IL16: variants seen among roughly 807,000 people sequenced by gnomAD.
IL16 encodes interleukin 16, also known as pro-interleukin-16.
IL16 carries 67 observed loss-of-function variants against 110.1 expected under a neutral mutation model. The observed-to-expected ratio is 0.61, with a 90% CI of 0.50 to 0.75. IL16 has a LOEUF of 0.75. Ranked by LOEUF, IL16 falls within the 30% of genes least tolerant of loss-of-function variation. The pLI is 0.00. For missense variants in IL16, 1,545 were observed against 1,655.0 expected, an observed-to-expected ratio of 0.93 and a Z score of 1.15; for synonymous variants, 689 against 662.9, an observed-to-expected ratio of 1.04 and a Z score of -0.61.
chr15:81,206,063 A>G (rs1213170128), intron 1 of IL16, among the ~76,000 whole-genome samples: 1 of 152,246 alleles, frequency 6.6e-6, no homozygotes, highest in Admixed American at 6.5e-5. Flanking sequence ...AATGTACACC[A>G]CTGTTAAGAT....
At chr15:81,248,080 G>T (rs1015157658) in intron 2 of IL16, among the ~76,000 whole-genome samples, 1 of 152,130 alleles carries the variant, frequency 6.6e-6, no homozygotes, top group Admixed American at 6.6e-5. Flanking sequence ...GCATTATGAG[G>T]CTATGTTATA....
chr15:81,190,082 G>T (rs1190421675), intron 1 of IL16, among the ~76,000 whole-genome samples: 2 of 152,160 alleles, frequency 1.3e-5, no homozygotes, highest in Non-Finnish European at 2.9e-5. Flanking sequence ...GACATTCTGT[G>T]ACAGCCAGAA....
At chr15:81,292,022 A>G (rs1596040638) in intron 11 of IL16, 1 of 455,328 alleles carries the variant, frequency 2.2e-6, no homozygotes, top group Non-Finnish European at 4.4e-6. Context: ...CAGGGAGGGG[A>G]GCAGGCAGGG....
chr15:81,220,398 A>G (rs1473328621), intron 1 of IL16, among the ~76,000 whole-genome samples: 2 of 152,112 alleles, frequency 1.3e-5, no homozygotes, highest in East Asian at 3.9e-4. Context: ...CAAGCAAATC[A>G]CCCACCTCGG....
chr15:81,271,809 G>A (rs1898655013), intron 5 of IL16, among the ~76,000 whole-genome samples: 1 of 152,164 alleles, frequency 6.6e-6, no homozygotes, highest in Non-Finnish European at 1.5e-5. Flanking sequence ...ACCTTCACCA[G>A]AGGCTTAGAA....
At chr15:81,257,850 A>G (rs1898003132) in intron 2 of IL16, among the ~76,000 whole-genome samples, 1 of 152,226 alleles carries the variant, frequency 6.6e-6, no homozygotes, top group Admixed American at 6.5e-5. Context: ...AGTCCCAGAA[A>G]GCATTTAAGC....
Position 81,240,252 on chromosome 15 carries a change from G to A in IL16, c.312+14541G>A, listed in dbSNP as rs188306447. On this transcript the variant is annotated intron_variant, in intron 2 of 18. Transcript: ENST00000683961. ...ACTCAATTTATCCATTCTACTATTG[G>A]TGGACGTTTGAGATATTTCCCCTTT... Among the ~76,000 whole-genome samples, 32 of 151,846 alleles carry A rather than the reference G, an allele frequency of 2.1e-4. 1 individual carries two copies. In the East Asian group the frequency reaches 5.8e-3, roughly 28 times the overall value.
chr15:81,225,171 A>G, intron 1 of IL16, 128 bp from the exon 2 acceptor site: 8 of 723,406 alleles, frequency 1.1e-5, no homozygotes, highest in Non-Finnish European at 1.7e-5. Flanking sequence ...GTGATCTTAA[A>G]GGATGATCTG....
intron 8 of IL16, among the ~76,000 whole-genome samples, chr15:81,280,190 A>G (rs1179683900): frequency 6.6e-6 from 1 of 152,216 alleles, no homozygotes; most frequent in African/African-American, 2.4e-5. Context: ...ATTCAGGAAC[A>G]GACAGCCATT....
chr15:81,236,876 T>G (rs534198936), intron 2 of IL16, among the ~76,000 whole-genome samples: 1 of 152,158 alleles, frequency 6.6e-6, no homozygotes, highest in Non-Finnish European at 1.5e-5. Context: ...GAGAATTGCT[T>G]GAACCCGGGA....
intron 2 of IL16, among the ~76,000 whole-genome samples, chr15:81,241,167 A>G (rs1567013822): frequency 6.6e-6 from 1 of 152,036 alleles, no homozygotes; most frequent in Non-Finnish European, 1.5e-5. Context: ...AGTTTTTAAG[A>G]TTTGTATGCC....
chr15:81,253,770 C>T (rs192724912), intron 2 of IL16, among the ~76,000 whole-genome samples: 1 of 152,292 alleles, frequency 6.6e-6, no homozygotes, highest in Admixed American at 6.5e-5. Flanking sequence ...ATAGTCCAAT[C>T]TAAAACAAAT....
chr15:81,197,671 A>C (rs901465460), intron 1 of IL16, among the ~76,000 whole-genome samples: 6 of 152,060 alleles, frequency 3.9e-5, no homozygotes, highest in African/African-American at 1.5e-4. Flanking sequence ...TCCCGTGACT[A>C]ATTCCTGCAT....
At chr15:81,269,065 A>G (rs1368239593) in intron 4 of IL16, among the ~76,000 whole-genome samples, 3 of 152,258 alleles carry the variant, frequency 2.0e-5, no homozygotes, top group African/African-American at 7.2e-5. Flanking sequence ...TGCCTACCCC[A>G]AAATTACATT....
intron 1 of IL16, among the ~76,000 whole-genome samples, chr15:81,209,555 G>A (rs113643882): frequency 0.084 from 12,807 of 152,122 alleles, 544 homozygotes; most frequent in Middle Eastern, 0.1. Flanking sequence ...GAGCACAGGT[G>A]ATCCTTAAAG....
chr15:81,272,743 T>C (rs1488408659), intron 5 of IL16, among the ~76,000 whole-genome samples: 1 of 152,072 alleles, frequency 6.6e-6, no homozygotes, highest in Non-Finnish European at 1.5e-5. Context: ...GAAACTGAGG[T>C]TCAGAAGCAG....
intron 3 of IL16, among the ~76,000 whole-genome samples, chr15:81,265,440 C>T (rs1480732019): frequency 6.6e-6 from 1 of 152,126 alleles, no homozygotes; most frequent in Non-Finnish European, 1.5e-5. Flanking sequence ...GTGAGAGTCC[C>T]ATCTGCACCC....
intron 12 of IL16, among the ~76,000 whole-genome samples, chr15:81,296,552 T>C (rs1396484176): frequency 6.6e-6 from 1 of 152,222 alleles, no homozygotes; most frequent in Non-Finnish European, 1.5e-5. Flanking sequence ...CTGCCTTGTT[T>C]CTACGCTGCC....
chr15:81,312,759 A>G lies in IL16; in HGVS notation c.*3961A>G, dbSNP rs1900930455. 6.6e-6 allele frequency: 1 copy of G among 152,352 alleles called. No homozygotes were observed. 9.4% of individuals were successfully genotyped at this position (152,352 alleles called of 1,614,324 possible). The stretch of plus-strand genomic sequence containing the variant: ...ATAAATATTTTGCGGCATTAAAGCC[A>G]TATACAAGGTCTATATCAGAAAAAT... On this transcript the variant is annotated 3_prime_UTR_variant, in exon 19 of 19. Coordinates refer to ENST00000683961, the MANE Select transcript of IL16 (RefSeq NM_172217.5).
Sources: gnomAD v4.1 joint callset for allele counts (sites outside exome capture counted in the v4.1 genomes callset) on GRCh38, gnomAD v4.1.1 for gene constraint, MANE v1.5 for transcripts, NCBI Gene and HGNC (gene_info 2026-07-23, HGNC 2026-07-21) for gene names.